PTPRD: variants seen among roughly 807,000 people sequenced by gnomAD.
PTPRD encodes protein tyrosine phosphatase receptor type D.
In PTPRD, 34 loss-of-function variants were observed where a neutral mutation model predicts 214.5. The observed-to-expected ratio is 0.16, with a 90% CI of 0.12 to 0.21. The LOEUF (loss-of-function observed/expected upper bound fraction) is 0.21, where lower values mean the gene tolerates loss of function less well. PTPRD is among the 10% of genes least tolerant of loss of function. PTPRD has a pLI of 1.00. For missense variants in PTPRD, 2,545 were observed against 2,398.7 expected, an observed-to-expected ratio of 1.06 and a Z score of -1.27; for synonymous variants, 1,128 against 845.7, an observed-to-expected ratio of 1.33 and a Z score of -5.79.
intron 8 of PTPRD, among the ~76,000 whole-genome samples, chr9:9,423,556 T>C (rs896961577): frequency 6.6e-6 from 1 of 152,156 alleles, no homozygotes; most frequent in South Asian, 2.1e-4. Context: ...GCCGTGAGAA[T>C]AAGAGACAAC....
intron 8 of PTPRD, among the ~76,000 whole-genome samples, chr9:9,428,045 C>A (rs2081655763): frequency 6.6e-6 from 1 of 152,258 alleles, no homozygotes; most frequent in African/African-American, 2.4e-5. Flanking sequence ...ATGACAGGAT[C>A]AAATTCACCC....
intron 2 of PTPRD, among the ~76,000 whole-genome samples, chr9:10,498,656 AG>A (rs1410837866): frequency 2.6e-5 from 4 of 152,108 alleles, no homozygotes; most frequent in African/African-American, 7.2e-5. Context: ...CACAAAAAAA[AG>A]GTAAGAACAA....
At chr9:9,531,495 G>A (rs1205964626) in intron 8 of PTPRD, among the ~76,000 whole-genome samples, 1 of 152,156 alleles carries the variant, frequency 6.6e-6, no homozygotes. Flanking sequence ...AAAGAATTTT[G>A]TTGGGGCAAT....
intron 12 of PTPRD, among the ~76,000 whole-genome samples, chr9:8,716,921 T>C (rs1468971937): frequency 6.6e-6 from 1 of 152,160 alleles, no homozygotes; most frequent in East Asian, 1.9e-4. Context: ...GGCTGGGCAC[T>C]CTGGGAGGCT....
rs140373576 is a variant in PTPRD at position 9,605,843 on chromosome 9, C to G, written c.-286-31062G>C. On this transcript the variant is annotated intron_variant, in intron 7 of 45. Coordinates refer to ENST00000381196, the MANE Select transcript of PTPRD (RefSeq NM_002839.4). ...AGTTGTAAGAATGATTTGCATTACACGAATTTCCAACGATAACGGAACTTG... is the reference window on the plus strand; with the variant it reads ...AGTTGTAAGAATGATTTGCATTACAGGAATTTCCAACGATAACGGAACTTG... 2.6e-5 allele frequency among the ~76,000 whole-genome samples: 4 copies of G among 152,098 alleles called. No homozygotes were observed. In the East Asian group the frequency reaches 7.7e-4, roughly 29 times the overall value.
At chr9:10,313,250 T>C (rs746213376) in intron 3 of PTPRD, among the ~76,000 whole-genome samples, 2 of 151,902 alleles carry the variant, frequency 1.3e-5, no homozygotes, top group Non-Finnish European at 2.9e-5. Context: ...AGCTTGACAG[T>C]GTTAACTTGG....
At chr9:9,802,925 C>A (rs1406080907) in intron 5 of PTPRD, among the ~76,000 whole-genome samples, 5 of 151,596 alleles carry the variant, frequency 3.3e-5, no homozygotes, top group African/African-American at 7.3e-5. Flanking sequence ...TTAAGAGTAC[C>A]AAATACTATA....
At chr9:9,322,730 C>T (rs1227466201) in intron 9 of PTPRD, among the ~76,000 whole-genome samples, 1 of 152,018 alleles carries the variant, frequency 6.6e-6, no homozygotes, top group Non-Finnish European at 1.5e-5. Flanking sequence ...GTGGTTTCAA[C>T]CGTTTTGTAG....
intron 2 of PTPRD, among the ~76,000 whole-genome samples, chr9:10,488,759 A>C (rs1357500932): frequency 6.6e-6 from 1 of 152,094 alleles, no homozygotes; most frequent in Non-Finnish European, 1.5e-5. Context: ...CATGGGGAGT[A>C]CTGCCAGACC....
chr9:8,802,281 G>A (rs376767763), intron 11 of PTPRD, among the ~76,000 whole-genome samples: 2 of 152,160 alleles, frequency 1.3e-5, no homozygotes, highest in East Asian at 3.9e-4. Context: ...GTACAAGTCT[G>A]AGTGTAGAAA....
intron 14 of PTPRD, among the ~76,000 whole-genome samples, chr9:8,620,312 C>G (rs2095778469): frequency 6.6e-6 from 1 of 151,980 alleles, no homozygotes; most frequent in South Asian, 2.1e-4. Context: ...AAGAAGAAGC[C>G]TAAACCATTC....
chr9:10,110,959 G>T (rs182203273), intron 3 of PTPRD, among the ~76,000 whole-genome samples: 206 of 152,268 alleles, frequency 1.4e-3, no homozygotes, highest in African/African-American at 3.5e-3. Flanking sequence ...TGTATTTGAT[G>T]TATGAGGATT....
intron 3 of PTPRD, among the ~76,000 whole-genome samples, chr9:10,295,001 A>G (rs16925748): frequency 0.03 from 4,510 of 152,038 alleles, 293 homozygotes; most frequent in Admixed American, 0.16. Flanking sequence ...ATTTTTCTCA[A>G]TACAGTTATG....
chr9:10,515,701 T>C (rs993843428), intron 2 of PTPRD, among the ~76,000 whole-genome samples: 1 of 152,000 alleles, frequency 6.6e-6, no homozygotes. Context: ...CTTATTCATC[T>C]TGGCTAACTT....
intron 14 of PTPRD, among the ~76,000 whole-genome samples, chr9:8,623,025 T>C (rs1336893891): frequency 2.6e-5 from 4 of 151,898 alleles, no homozygotes; most frequent in African/African-American, 9.6e-5. Flanking sequence ...AGATGACTCA[T>C]ACTATAGTCC....
intron 9 of PTPRD, among the ~76,000 whole-genome samples, chr9:9,335,379 A>G (rs1381729414): frequency 6.6e-6 from 1 of 152,060 alleles, no homozygotes; most frequent in African/African-American, 2.4e-5. Flanking sequence ...ATTGAAGGCA[A>G]TTTTTGAACT....
At position 9,109,209 on chromosome 9, in the gene PTPRD, A is replaced by G. The variant is rs191460719; in HGVS notation, c.-143+74095T>C. 4.0e-3 allele frequency among the ~76,000 whole-genome samples: 609 copies of G among 152,212 alleles called. 6 individuals carry two copies. The highest frequency in any genetic ancestry group is 0.014 in the African/African-American group (578 of 41,544). The stretch of plus-strand genomic sequence containing the variant: ...TTTAAAATAGTTTCTCAACTTTTAA[A>G]CCTTGCTAAGCTTGTTATACTCTAT... On this transcript the variant is annotated intron_variant, in intron 10 of 45. Coordinates refer to ENST00000381196, the MANE Select transcript of PTPRD (RefSeq NM_002839.4).
At chr9:10,351,663 C>CTTTTT (rs33924476) in intron 2 of PTPRD, among the ~76,000 whole-genome samples, 1 of 144,380 alleles carries the variant, frequency 6.9e-6, no homozygotes, top group African/African-American at 2.5e-5. Flanking sequence ...TTAATTCTAA[C>CTTTTT]TTTTTTTTTT....
intron 11 of PTPRD, among the ~76,000 whole-genome samples, chr9:8,922,707 C>A (rs902837415): frequency 6.6e-6 from 1 of 152,078 alleles, no homozygotes; most frequent in Non-Finnish European, 1.5e-5. Flanking sequence ...AGTGCAGTGG[C>A]GCGATCTCAG....
Sources: gnomAD v4.1 joint callset for allele counts (sites outside exome capture counted in the v4.1 genomes callset) on GRCh38, gnomAD v4.1.1 for gene constraint, MANE v1.5 for transcripts, NCBI Gene and HGNC (gene_info 2026-07-23, HGNC 2026-07-21) for gene names.